STPG2: variants seen among roughly 807,000 people sequenced by gnomAD.
STPG2 encodes sperm tail PG-rich repeat containing 2.
STPG2 carries 56 observed loss-of-function variants against 54.2 expected under a neutral mutation model. That is an observed-to-expected ratio of 1.03 (90% CI 0.83 to 1.29). The LOEUF is 1.29. Among genes scored for constraint, STPG2 ranks in the 50% most tolerant of loss-of-function variants. The pLI is 0.00. For missense variants in STPG2, 596 were observed against 544.9 expected (o/e 1.09, Z -0.93); for synonymous variants, 200 against 181.8 (o/e 1.10, Z -0.81).
chr4:97,737,858 G>C (rs1725067154), intron 9 of STPG2, among the ~76,000 whole-genome samples: 1 of 152,116 alleles, frequency 6.6e-6, no homozygotes, highest in African/African-American at 2.4e-5. Flanking sequence ...GAAATACAGA[G>C]AATGCCACAA....
At chr4:97,479,692 TG>T (rs1730170840) in intron 4 of STPG2, among the ~76,000 whole-genome samples, 1 of 151,918 alleles carries the variant, frequency 6.6e-6, no homozygotes, top group Admixed American at 6.6e-5. Flanking sequence ...CTGTGACTAA[TG>T]TAAATAGATT....
chr4:97,640,195 C>G (rs72890870), intron 10 of STPG2, among the ~76,000 whole-genome samples: 10,683 of 151,988 alleles, frequency 0.07, 1,053 homozygotes, highest in African/African-American at 0.22. Flanking sequence ...AATGAACACA[C>G]TTCCAAGAGA....
chr4:97,655,839 A>G (rs1471406873), intron 10 of STPG2, among the ~76,000 whole-genome samples: 1 of 152,300 alleles, frequency 6.6e-6, no homozygotes, highest in East Asian at 1.9e-4. Flanking sequence ...ATACGTAAAT[A>G]TATACAAATA....
At chr4:97,905,506 C>G (rs1731372005) in intron 8 of STPG2, among the ~76,000 whole-genome samples, 1 of 151,882 alleles carries the variant, frequency 6.6e-6, no homozygotes, top group Admixed American at 6.6e-5. Context: ...AAAATCATGC[C>G]AAAATGTAAA....
chr4:97,797,488 G>A (rs938417136), intron 9 of STPG2, among the ~76,000 whole-genome samples: 4 of 152,238 alleles, frequency 2.6e-5, no homozygotes, highest in East Asian at 3.9e-4. Flanking sequence ...GCTGGATTAC[G>A]TTTATTGATT....
At chr4:97,815,623 T>C (rs2149100274) in intron 9 of STPG2, among the ~76,000 whole-genome samples, 1 of 152,294 alleles carries the variant, frequency 6.6e-6, no homozygotes, top group East Asian at 1.9e-4. Flanking sequence ...TAATACCATT[T>C]AAGTAACAAG....
At chr4:98,105,859 C>A in intron 5 of STPG2, 94 bp downstream of exon 5, 1 of 1,060,710 alleles carries the variant, frequency 9.4e-7, no homozygotes, top group Non-Finnish European at 1.3e-6. Context: ...AGCTATCAGG[C>A]ACATTAGATC....
chr4:97,835,408 A>C (rs1036293049), intron 9 of STPG2, among the ~76,000 whole-genome samples: 2 of 152,154 alleles, frequency 1.3e-5, no homozygotes, highest in Non-Finnish European at 2.9e-5. Context: ...GACAACCAAC[A>C]GCCCCTAGGG....
chr4:97,444,565 A>G (rs1168809105), intron 4 of STPG2, among the ~76,000 whole-genome samples: 1 of 152,228 alleles, frequency 6.6e-6, no homozygotes, highest in Non-Finnish European at 1.5e-5. Flanking sequence ...AGAAATAAAG[A>G]TGTTTTCAGA....
At chr4:97,708,857 A>T (rs936063900) in intron 10 of STPG2, among the ~76,000 whole-genome samples, 1 of 151,764 alleles carries the variant, frequency 6.6e-6, no homozygotes. Flanking sequence ...AGGGTTTTAG[A>T]CAAGTGGGTA....
chr4:97,998,555 G>A (rs1735314491), intron 5 of STPG2, among the ~76,000 whole-genome samples: 1 of 152,182 alleles, frequency 6.6e-6, no homozygotes, highest in African/African-American at 2.4e-5. Context: ...AGTAAGTTTG[G>A]AATCAGCATG....
chr4:97,831,134 T>C (rs932439501), intron 9 of STPG2, among the ~76,000 whole-genome samples: 1 of 152,086 alleles, frequency 6.6e-6, no homozygotes, highest in African/African-American at 2.4e-5. Context: ...TAAAACACTC[T>C]TCAGCAAATG....
At chr4:97,917,579 TTAAAA>T (rs1399818858) in intron 8 of STPG2, among the ~76,000 whole-genome samples, 2 of 152,162 alleles carry the variant, frequency 1.3e-5, no homozygotes, top group South Asian at 2.1e-4. Flanking sequence ...TGGTTAAAAC[TTAAAA>T]TAATATAGTA....
intron 5 of STPG2, among the ~76,000 whole-genome samples, chr4:97,998,990 TTAA>T (rs1311528678): frequency 6.7e-6 from 1 of 148,560 alleles, no homozygotes; most frequent in African/African-American, 2.5e-5. Context: ...ATTCTTAACT[TTAA>T]TGCTCTTTCT....
intron 10 of STPG2, among the ~76,000 whole-genome samples, chr4:97,687,406 C>T (rs1723232397): frequency 1.3e-5 from 2 of 151,946 alleles, no homozygotes; most frequent in Non-Finnish European, 2.9e-5. Context: ...TCACTGCAAC[C>T]TCGGCTCACT....
intron 9 of STPG2, among the ~76,000 whole-genome samples, chr4:97,757,659 C>A (rs940776184): frequency 6.6e-6 from 1 of 152,186 alleles, no homozygotes; most frequent in Non-Finnish European, 1.5e-5. Context: ...ACTAAAACCT[C>A]CACTAGCTCA....
At chr4:97,690,901 A>G (rs192144378) in intron 10 of STPG2, among the ~76,000 whole-genome samples, 2 of 152,354 alleles carry the variant, frequency 1.3e-5, no homozygotes, top group African/African-American at 4.8e-5. Context: ...TTAACCATGC[A>G]CTTAAACAGG....
At chr4:97,717,943 A>G (rs1436583363) in intron 9 of STPG2, among the ~76,000 whole-genome samples, 3 of 152,118 alleles carry the variant, frequency 2.0e-5, no homozygotes, top group African/African-American at 7.2e-5. Context: ...GCAAATTCTC[A>G]TAATTAAATT....
rs114479630 is a variant in STPG2 at position 97,889,500 on chromosome 4, C to T, written c.1045-48568G>A. Among the ~76,000 whole-genome samples, 1,192 of 152,130 alleles carry T rather than the reference C, an allele frequency of 7.8e-3. 15 individuals are homozygous for T. The highest frequency in any genetic ancestry group is 0.025 in the African/African-American group (1,053 of 41,506). On this transcript the variant is annotated intron_variant, in intron 8 of 10. Transcript: ENST00000295268. ...AACTATTCAGCCATAAAAAGTAAAC[C>T]CTTCTATTCACAGAAACATGGATGA... is the stretch of plus-strand genomic sequence containing the variant.
Sources: allele counts gnomAD v4.1 joint callset (sites outside exome capture counted in the v4.1 genomes callset), GRCh38; gene constraint gnomAD v4.1.1; transcripts MANE v1.5; gene names NCBI Gene and HGNC (gene_info 2026-07-23, HGNC 2026-07-21).